Variants in LRBA observed in about 807,000 individuals in gnomAD.
The protein encoded by LRBA is lipopolysaccharide-responsive and beige-like anchor protein.
LRBA carries 176 observed loss-of-function variants against 330.0 expected under a neutral mutation model. That is an observed-to-expected ratio of 0.53 (90% confidence interval 0.47 to 0.60). The LOEUF is 0.60. LRBA is among the 20% of genes least tolerant of loss of function. The pLI, the probability that LRBA is intolerant of heterozygous loss-of-function variation, is 0.00. For missense variants in LRBA, 3,259 were observed against 3,444.8 expected (o/e 0.95, Z 1.35); for synonymous variants, 1,230 against 1,193.0 (o/e 1.03, Z -0.64).
upstream of LRBA, chr4:151,015,441 G>A (rs1020232279): frequency 2.0e-5 from 3 of 153,204 alleles, no homozygotes; most frequent in East Asian, 1.9e-4. Flanking sequence ...GCCACCGCAG[G>A]GAGAGAAGGG....
intron 47 of LRBA, among the ~76,000 whole-genome samples, chr4:150,389,911 ATTTTTTTT>A (rs34355782): frequency 0.028 from 3,108 of 111,728 alleles, 110 homozygotes; most frequent in African/African-American, 0.095. Context: ...TTGTCTGGGT[ATTTTTTTT>A]TTTTTTTTTT....
At chr4:150,517,956 T>C (rs1351511545) in intron 40 of LRBA, among the ~76,000 whole-genome samples, 2 of 152,234 alleles carry the variant, frequency 1.3e-5, no homozygotes, top group African/African-American at 4.8e-5. Context: ...TTTTGCAGTT[T>C]GAAGTATGAC....
chr4:150,452,450 C>A (rs1298208918), intron 44 of LRBA, among the ~76,000 whole-genome samples: 1 of 151,900 alleles, frequency 6.6e-6, no homozygotes, highest in Non-Finnish European at 1.5e-5. Context: ...GGTGAAACCC[C>A]ATCTCTACTA....
chr4:150,511,003 G>A (rs1335535479), intron 40 of LRBA, among the ~76,000 whole-genome samples: 1 of 151,988 alleles, frequency 6.6e-6, no homozygotes, highest in Non-Finnish European at 1.5e-5. Flanking sequence ...CTACAGGCAC[G>A]TGCCACCATG....
chr4:150,505,159 A>G (rs1760878531), intron 40 of LRBA, among the ~76,000 whole-genome samples: 1 of 152,206 alleles, frequency 6.6e-6, no homozygotes, highest in Non-Finnish European at 1.5e-5. Context: ...TGTCAACATT[A>G]GACAGATCAA....
At chr4:150,642,165 C>T (rs1689160363) in intron 37 of LRBA, among the ~76,000 whole-genome samples, 1 of 151,798 alleles carries the variant, frequency 6.6e-6, no homozygotes, top group African/African-American at 2.4e-5. Flanking sequence ...CAAGACACAC[C>T]AATGAGCAAT....
intron 34 of LRBA, among the ~76,000 whole-genome samples, chr4:150,784,406 T>C (rs1459532232): frequency 6.6e-6 from 1 of 152,202 alleles, no homozygotes; most frequent in African/African-American, 2.4e-5. Context: ...AACTTGGTGA[T>C]TATCGCTGCC....
chr4:150,606,764 G>A (rs906303449), intron 37 of LRBA, among the ~76,000 whole-genome samples: 1 of 152,092 alleles, frequency 6.6e-6, no homozygotes, highest in Admixed American at 6.5e-5. Flanking sequence ...CATCTTATTC[G>A]TTACTATTAT....
chr4:150,554,448 G>T (rs1158712915), intron 40 of LRBA, among the ~76,000 whole-genome samples: 2 of 152,142 alleles, frequency 1.3e-5, no homozygotes, highest in African/African-American at 4.8e-5. Context: ...ATCTGCTAGA[G>T]AATTAGGCCA....
intron 40 of LRBA, among the ~76,000 whole-genome samples, chr4:150,495,787 C>T (rs1759517878): frequency 6.6e-6 from 1 of 152,154 alleles, no homozygotes; most frequent in Non-Finnish European, 1.5e-5. Context: ...ACTGACAGCA[C>T]CTTAGACAGA....
At chr4:150,472,930 C>T (rs1756311963) in intron 42 of LRBA, among the ~76,000 whole-genome samples, 1 of 151,972 alleles carries the variant, frequency 6.6e-6, no homozygotes, top group Non-Finnish European at 1.5e-5. Context: ...ATAAATAATG[C>T]TACCATAAAC....
chr4:150,330,058 C>CTT (rs1733788952), intron 48 of LRBA, among the ~76,000 whole-genome samples: 1 of 152,170 alleles, frequency 6.6e-6, no homozygotes, highest in South Asian at 2.1e-4. Context: ...GATCAAATGT[C>CTT]TTCAAGTGAT....
intron 17 of LRBA, among the ~76,000 whole-genome samples, chr4:150,874,995 C>G (rs1383412541): frequency 1.3e-5 from 2 of 152,170 alleles, no homozygotes; most frequent in African/African-American, 2.4e-5. Flanking sequence ...AGCTGCTTGG[C>G]TACTCCAGCA....
At chr4:150,993,434 T>C (rs1052224575) in intron 2 of LRBA, among the ~76,000 whole-genome samples, 6 of 152,036 alleles carry the variant, frequency 3.9e-5, no homozygotes, top group African/African-American at 1.2e-4. Flanking sequence ...CTAGGCATAG[T>C]AGGCTCACAC....
intron 42 of LRBA, among the ~76,000 whole-genome samples, chr4:150,479,350 C>T (rs1157896658): frequency 6.6e-6 from 1 of 152,054 alleles, no homozygotes; most frequent in Non-Finnish European, 1.5e-5. Context: ...AAAACATATA[C>T]TAGGTGTGAT....
chr4:150,540,025 T>C (rs955823654), intron 40 of LRBA, among the ~76,000 whole-genome samples: 2 of 152,242 alleles, frequency 1.3e-5, no homozygotes, highest in Non-Finnish European at 2.9e-5. Context: ...TGAAGTATAC[T>C]GAATAGCTTT....
Position 150,528,208 on chromosome 4 carries a change from G to A in LRBA, c.6331-37173C>T, listed in dbSNP as rs35647383. Among the ~76,000 whole-genome samples, 751 of 152,154 alleles carry A rather than the reference G, an allele frequency of 4.9e-3. 1 individual carries two copies. Among genetic ancestry groups the A allele is most frequent in the Non-Finnish European group, 8.7e-3 (589 of 67,998 alleles). The stretch of plus-strand genomic sequence containing the variant: ...GGAAGATAGGGATAGGGAAAAATGC[G>A]TGTGAGAAATATGATGATAAAGAAT... On this transcript the variant is annotated intron_variant, in intron 40 of 56. Transcript: ENST00000651943.
chr4:150,442,195 G>T (rs1373764274), intron 44 of LRBA, among the ~76,000 whole-genome samples: 1 of 152,024 alleles, frequency 6.6e-6, no homozygotes, highest in African/African-American at 2.4e-5. Context: ...AAGTCTCAAG[G>T]GAGTTTTTCA....
Position 150,782,101 on chromosome 4 carries a change from T to C in LRBA, c.5580+15980A>G, listed in dbSNP as rs199799464. On this transcript the variant is annotated intron_variant, in intron 34 of 56. Transcript: ENST00000651943. ...TTTGCATATTTTGTAGAAACAGGGT[T>C]TTACCATGTTGCCCAGGCTGGTCTC... 3.3e-5 allele frequency among the ~76,000 whole-genome samples: 5 copies of C among 152,002 alleles called. No individual in the cohort carries two copies. In the East Asian group the frequency reaches 9.7e-4, roughly 29 times the overall value.
Sources: allele counts gnomAD v4.1 joint callset (sites outside exome capture counted in the v4.1 genomes callset), GRCh38; gene constraint gnomAD v4.1.1; transcripts MANE v1.5; gene names NCBI Gene and HGNC (gene_info 2026-07-23, HGNC 2026-07-21).